TOX: variants seen among roughly 807,000 people sequenced by gnomAD.
TOX encodes thymocyte selection-associated high mobility group box protein TOX.
A neutral mutation model predicts 53.7 loss-of-function variants in TOX; 11 were observed. The observed-to-expected ratio is 0.20, with a 90% confidence interval of 0.13 to 0.34. The LOEUF is 0.34. Ranked by LOEUF, TOX falls within the 10% of genes least tolerant of loss-of-function variation. The probability of loss-of-function intolerance (pLI) is 1.00; values close to 1 mark genes in which losing one functional copy is unlikely to be tolerated. For missense variants in TOX, 570 were observed against 664.6 expected (o/e 0.86, Z 1.56); for synonymous variants, 225 against 245.3 (o/e 0.92, Z 0.77).
At chr8:58,998,516 T>TAAA (rs1563413359) in intron 1 of TOX, among the ~76,000 whole-genome samples, 4 of 121,324 alleles carry the variant, frequency 3.3e-5, no homozygotes, top group African/African-American at 1.4e-4. Flanking sequence ...TATATATATA[T>TAAA]ATATATATAT....
At chr8:59,108,695 C>A (rs747172598) in intron 1 of TOX, among the ~76,000 whole-genome samples, 1 of 150,982 alleles carries the variant, frequency 6.6e-6, no homozygotes, top group South Asian at 2.1e-4. Flanking sequence ...CATACACACA[C>A]AAGGTTATCA....
rs139640004 is a variant in TOX at position 59,046,093 on chromosome 8, C to G, written c.102+72793G>C. ...TGTAATGACTTTTAGGAAACTATAA[C>G]AGTTACAGAGACCTGCTGCTAGCTG... On this transcript the variant is annotated intron_variant, in intron 1 of 8. Coordinates refer to ENST00000361421, the MANE Select transcript of TOX (RefSeq NM_014729.3). Among the ~76,000 whole-genome samples the G allele has an allele frequency of 1.0e-3, 155 of 152,264 alleles. 2 individuals carry two copies. The East Asian group carries it at 0.026, about 25-fold the overall frequency.
chr8:58,866,063 G>A (rs1811096109), intron 3 of TOX, among the ~76,000 whole-genome samples: 1 of 152,034 alleles, frequency 6.6e-6, no homozygotes, highest in Admixed American at 6.6e-5. Context: ...TCAAACTCCT[G>A]ACTTCAGGTG....
chr8:58,819,302 C>T, intron 6 of TOX, among the ~76,000 whole-genome samples: 1 of 152,200 alleles, frequency 6.6e-6, no homozygotes, highest in South Asian at 2.1e-4. Flanking sequence ...CACTTTTAAA[C>T]ACATTAACCA....
intron 1 of TOX, among the ~76,000 whole-genome samples, chr8:59,003,373 T>C (rs1813729409): frequency 6.6e-6 from 1 of 152,204 alleles, no homozygotes; most frequent in Non-Finnish European, 1.5e-5. Context: ...TTACAGTTTA[T>C]TACACGCTGC....
At chr8:59,027,963 T>G (rs938444640) in intron 1 of TOX, among the ~76,000 whole-genome samples, 3 of 152,056 alleles carry the variant, frequency 2.0e-5, no homozygotes, top group African/African-American at 7.2e-5. Context: ...AGGAATCAAC[T>G]CCCTAACATC....
intron 1 of TOX, among the ~76,000 whole-genome samples, chr8:58,975,299 A>G (rs1456040827): frequency 6.6e-6 from 1 of 151,976 alleles, no homozygotes; most frequent in Non-Finnish European, 1.5e-5. Flanking sequence ...GGGGAGATTG[A>G]CACTACTTTA....
At chr8:59,021,509 T>C (rs1563420873) in intron 1 of TOX, among the ~76,000 whole-genome samples, 1 of 118,598 alleles carries the variant, frequency 8.4e-6, no homozygotes, top group Non-Finnish European at 1.9e-5. Context: ...TGCACATATA[T>C]ACAATGTCAG....
intron 3 of TOX, among the ~76,000 whole-genome samples, chr8:58,929,490 A>G (rs1812223641): frequency 6.6e-6 from 1 of 152,104 alleles, no homozygotes; most frequent in Non-Finnish European, 1.5e-5. Context: ...CTAGAAAAAA[A>G]CTAAAATGAA....
intron 3 of TOX, among the ~76,000 whole-genome samples, chr8:58,879,060 C>CAAAAAAAAAAAA (rs36010111): frequency 7.8e-6 from 1 of 128,064 alleles, no homozygotes; most frequent in African/African-American, 2.8e-5. Flanking sequence ...GACTTCATCT[C>CAAAAAAAAAAAA]AAAAAAAAAA....
At chr8:59,097,201 C>A (rs753525996) in intron 1 of TOX, among the ~76,000 whole-genome samples, 8 of 152,166 alleles carry the variant, frequency 5.3e-5, no homozygotes, top group South Asian at 2.1e-4. Context: ...ATAACCTTAA[C>A]AAGTTTGTGT....
At chr8:58,948,755 G>A (rs1030565798) in intron 2 of TOX, among the ~76,000 whole-genome samples, 2 of 151,496 alleles carry the variant, frequency 1.3e-5, no homozygotes, top group Non-Finnish European at 2.9e-5. Context: ...TATTGAGTTC[G>A]TACATTCTGA....
chr8:58,852,495 GT>G (rs988688449), intron 3 of TOX, among the ~76,000 whole-genome samples: 4 of 152,144 alleles, frequency 2.6e-5, no homozygotes, highest in African/African-American at 4.8e-5. Context: ...TGAGTCACTG[GT>G]TTTTAGCCTT....
intron 3 of TOX, among the ~76,000 whole-genome samples, chr8:58,865,289 G>A (rs562514540): frequency 1.4e-4 from 21 of 152,222 alleles, no homozygotes; most frequent in African/African-American, 4.8e-4. Flanking sequence ...GGCTGTCTCA[G>A]AATAAGAATT....
chr8:58,832,903 G>T (rs868409332), intron 5 of TOX, among the ~76,000 whole-genome samples: 10 of 152,202 alleles, frequency 6.6e-5, no homozygotes, highest in Admixed American at 2.6e-4. Context: ...CCTTGGATAT[G>T]AATTATGCAT....
intron 1 of TOX, among the ~76,000 whole-genome samples, chr8:58,965,795 A>G (rs903991742): frequency 6.6e-6 from 1 of 150,798 alleles, no homozygotes; most frequent in Non-Finnish European, 1.5e-5. Context: ...CATTTCTTAG[A>G]TGATGCATTA....
intron 1 of TOX, among the ~76,000 whole-genome samples, chr8:59,094,337 A>T (rs1804674272): frequency 6.6e-6 from 1 of 152,052 alleles, no homozygotes; most frequent in Admixed American, 6.6e-5. Flanking sequence ...TAACTACAAT[A>T]TTAAATTAGC....
At chr8:58,914,146 A>G (rs542024005) in intron 3 of TOX, among the ~76,000 whole-genome samples, 1 of 152,380 alleles carries the variant, frequency 6.6e-6, no homozygotes, top group East Asian at 1.9e-4. Flanking sequence ...TCCTTTATCC[A>G]GAAGCAGTGA....
At chr8:58,822,426 C>A (rs1402569421) in intron 6 of TOX, among the ~76,000 whole-genome samples, 2 of 152,186 alleles carry the variant, frequency 1.3e-5, no homozygotes, top group Non-Finnish European at 2.9e-5. Flanking sequence ...CTGACCAGCA[C>A]TGTGTTTGCA....
Sources: gnomAD v4.1 joint callset for allele counts (sites outside exome capture counted in the v4.1 genomes callset) on GRCh38, gnomAD v4.1.1 for gene constraint, MANE v1.5 for transcripts, NCBI Gene and HGNC (gene_info 2026-07-23, HGNC 2026-07-21) for gene names.